The following MUC12 variants were observed in gnomAD, a reference collection of about 807,000 sequenced individuals.
MUC12 encodes mucin-12.
Under a neutral mutation model 230.8 loss-of-function variants are expected in MUC12, and 172 were observed. The observed-to-expected ratio is 0.75, with a 90% CI of 0.66 to 0.85. MUC12 has a LOEUF of 0.85. Ranked by LOEUF, MUC12 falls within the 40% of genes least tolerant of loss-of-function variation. The probability of loss-of-function intolerance (pLI) is 0.00; values close to 1 mark genes in which losing one functional copy is unlikely to be tolerated. For missense variants in MUC12, 3,506 were observed against 5,920.6 expected (o/e 0.59, Z 13.38); for synonymous variants, 1,259 against 2,401.9 (o/e 0.52, Z 13.91).
Position 100,990,625 on chromosome 7 carries a change from T to C in MUC12, c.68-6T>C. 6.5e-7 allele frequency: 1 copy of C among 1,537,384 alleles called. No homozygotes were observed. Among genetic ancestry groups the C allele is most frequent in the Non-Finnish European group, 8.7e-7 (1 of 1,146,938 alleles). ...AGCACTTTCTCTGGTTTCTCTCAAA[T>C]CACAGGCTCAACAGTAAACACCAGT... On this transcript the variant is annotated splice_polypyrimidine_tract_variant and splice_region_variant and intron_variant, in intron 1 of 11. Coordinates refer to ENST00000536621, the MANE Select transcript of MUC12 (RefSeq NM_001164462.2).
In MUC12 at chr7:100,991,757, T is replaced by G. The variant is rs1275779959; in HGVS notation, c.1194T>G (p.Ser398=). 6.5e-6 allele frequency: 10 copies of G among 1,537,860 alleles called. No individual in the cohort carries two copies. Among genetic ancestry groups the G allele is most frequent in the Non-Finnish European group, 8.7e-6 (10 of 1,147,048 alleles). ...ACGGCAGCACAACACACACAAAATCTTCAACTCCTAGCACCACAGCTGCCC... is the reference window on the plus strand; with the variant it reads ...ACGGCAGCACAACACACACAAAATCGTCAACTCCTAGCACCACAGCTGCCC... The part of the protein sequence containing the change: ...TFHGSTTHTK[S]STPSTTAALA... The change falls in exon 2 of 12, where the codon TCT becomes TCG. Residue 398 remains serine (S), a synonymous_variant. Transcript: ENST00000536621.
At position 100,990,853 on chromosome 7, in the gene MUC12, C is replaced by G. The variant is rs1020728381; in HGVS notation, c.290C>G (p.Pro97Arg). Residue 97 changes from proline (P) to arginine (R), a missense_variant, in exon 2 of 12, where the codon CCT (proline) becomes CGT (arginine). Transcript: ENST00000536621. ...GPGATGTTLF[P>R]SHSATSVFVG... ...GGTGCAACTGGAACAACACTCTTCC[C>G]TTCCCACTCTGCAACCTCAGTTTTT... The G allele has an allele frequency of 6.5e-7, 1 of 1,537,738 alleles. No homozygotes were observed. Among genetic ancestry groups the G allele is most frequent in the Non-Finnish European group, 8.7e-7 (1 of 1,147,060 alleles).
rs1330366959 is a variant in MUC12, at chr7:100,991,177, C to A, written c.614C>A (p.Thr205Lys). 2 of 1,537,616 alleles carry A rather than the reference C, an allele frequency of 1.3e-6. No individual in the cohort carries two copies. Among genetic ancestry groups the A allele is most frequent in the Non-Finnish European group, 1.7e-6 (2 of 1,146,846 alleles). The change falls in exon 2 of 12, where the codon ACA (threonine) becomes AAA (lysine). Residue 205 changes from threonine to lysine, a missense_variant. Physicochemically the swap from Thr to Lys is moderately conservative, Grantham distance 78. Transcript: ENST00000536621. The part of the protein sequence containing the change: ...ASHSIPGSTD[T>K]TLSPGTTTPS... ...CACAGCATCCCCGGCTCCACAGACA[C>A]AACACTGTCCCCTGGCACTACCACA... is the stretch of plus-strand genomic sequence containing the variant.
intron 10 of MUC12, chr7:101,017,221 T>C (rs758054430): frequency 2.8e-5 from 6 of 212,144 alleles, no homozygotes; most frequent in Non-Finnish European, 5.6e-5. Context: ...ACCGTTGCTA[T>C]GAAGGAGGGC....
intron 1 of MUC12, among the ~76,000 whole-genome samples, chr7:100,974,419 A>ATGTAT (rs1291645422): frequency 0.043 from 6,394 of 147,608 alleles, no homozygotes; most frequent in Admixed American, 0.054. Context: ...ATTTCTATTG[A>ATGTAT]CTTATCAATT....
In MUC12 at chr7:100,978,077, G is replaced by T. The variant is rs1353686140; in HGVS notation, c.67+8388G>T. On this transcript the variant is annotated intron_variant, in intron 1 of 11. Transcript: ENST00000536621. ...TGGAAAGCCCCTGTTTCCAAAGAAG[G>T]TCGCGTTCCCAGGTACCAGGAGTTA... Among the ~76,000 whole-genome samples, 7 of 152,136 alleles carry T rather than the reference G, an allele frequency of 4.6e-5. No homozygotes were observed. The East Asian group carries it at 5.8e-4, about 13-fold the overall frequency.
intron 1 of MUC12, among the ~76,000 whole-genome samples, chr7:100,976,823 G>A (rs182906848): frequency 5.8e-4 from 88 of 152,106 alleles, no homozygotes; most frequent in African/African-American, 2.1e-3. Flanking sequence ...GGTCAAGGCA[G>A]GCAGATCACG....
chr7:100,977,407 C>T (rs981454518), intron 1 of MUC12, among the ~76,000 whole-genome samples: 28 of 151,550 alleles, frequency 1.8e-4, no homozygotes, highest in Non-Finnish European at 3.5e-4. Flanking sequence ...CTTTCTGTTG[C>T]CCAGGCTGGA....
intron 1 of MUC12, among the ~76,000 whole-genome samples, chr7:100,971,099 T>C (rs1190053945): frequency 3.3e-5 from 5 of 151,380 alleles, no homozygotes; most frequent in Non-Finnish European, 5.9e-5. Flanking sequence ...GAGGTTGCAG[T>C]GAGCCGAGAT....
Position 101,004,601 on chromosome 7 carries a change from A to T in MUC12, c.14038A>T (p.Ser4680Cys), listed in dbSNP as rs1793699609. The T allele has an allele frequency of 3.1e-5, 48 of 1,536,824 alleles. No homozygotes were observed. Among genetic ancestry groups the T allele is most frequent in the South Asian group, 6.0e-5 (5 of 84,026 alleles). ...TGAGAGCTCCACAACCTCCGGCCGT[A>T]GTGAGGAATCAACAGCATCCCACAG... ...FPESSTTSGRSEESTASHSSP... is the reference protein window; with the variant it reads ...FPESSTTSGRCEESTASHSSP... The change falls in exon 2 of 12, where the codon AGT (serine) becomes TGT (cysteine). Residue 4680 changes from serine to cysteine, a missense_variant. Physicochemically the swap from Ser to Cys is moderately radical, Grantham distance 112. Coordinates refer to ENST00000536621, the MANE Select transcript of MUC12 (RefSeq NM_001164462.2).
intron 1 of MUC12, among the ~76,000 whole-genome samples, chr7:100,970,207 C>T (rs1321123727): frequency 2.6e-5 from 4 of 152,300 alleles, no homozygotes; most frequent in Non-Finnish European, 5.9e-5. Context: ...GCTGACGGGG[C>T]CAGGCGTGGT....
chr7:101,012,552 T>A, intron 6 of MUC12, 105 bp downstream of exon 6: 1 of 1,321,292 alleles, frequency 7.6e-7, no homozygotes, highest in Non-Finnish European at 1.0e-6. Context: ...CCAAGACTTC[T>A]GCCACAGGAA....
intron 1 of MUC12, among the ~76,000 whole-genome samples, chr7:100,970,953 C>T (rs1045200888): frequency 4.0e-5 from 6 of 151,374 alleles, no homozygotes; most frequent in Non-Finnish European, 7.4e-5. Context: ...GCCGAGATCG[C>T]GCCACTGCAC....
In MUC12 at chr7:100,986,759, A is replaced by G. The variant is rs117067533; in HGVS notation, c.68-3872A>G. On this transcript the variant is annotated intron_variant, in intron 1 of 11. Transcript: ENST00000536621. ...GGTTGGCCTTCCTGAGACAAGTGAG[A>G]AAAATGCAGCTCCTGGCATCTCGGA... Among the ~76,000 whole-genome samples the G allele has an allele frequency of 9.0e-3, 1,365 of 152,272 alleles. 17 individuals carry two copies. The highest frequency in any genetic ancestry group is 0.058 in the Middle Eastern group (17 of 294).
At chr7:101,005,612 C>A in intron 2 of MUC12, 93 bp downstream of exon 2, 1 of 1,379,422 alleles carries the variant, frequency 7.2e-7, no homozygotes, top group South Asian at 1.5e-5. Context: ...TGGTTCTTTT[C>A]CTCTGTCTTC....
At chr7:100,970,053 T>C (rs1170083042) in intron 1 of MUC12, among the ~76,000 whole-genome samples, 2 of 152,310 alleles carry the variant, frequency 1.3e-5, no homozygotes, top group African/African-American at 4.8e-5. Context: ...GCTGGAGGGA[T>C]GGGTCTTTCC....
At position 101,005,640 on chromosome 7, in the gene MUC12, C is replaced by T. The variant is rs551927611; in HGVS notation, c.14956+121C>T. On this transcript the variant is annotated intron_variant, in intron 2 of 11. Coordinates refer to ENST00000536621, the MANE Select transcript of MUC12 (RefSeq NM_001164462.2). Reference sequence around the variant, plus strand: ...CTGTCTTCCACTTTACTTGGGTCTACCGATTATCCAGTTTCTGGGTTCGAT... The same window carrying T: ...CTGTCTTCCACTTTACTTGGGTCTATCGATTATCCAGTTTCTGGGTTCGAT... The T allele has an allele frequency of 2.4e-6, 3 of 1,258,096 alleles. No individual in the cohort carries two copies. In the East Asian group the frequency reaches 7.6e-5, roughly 32 times the overall value. The allele number at this position is 1,258,096 out of a possible 1,614,324, so 77.9% of individuals were successfully genotyped here.
At chr7:101,017,817 C>A (rs189506885) in intron 11 of MUC12, among the ~76,000 whole-genome samples, 154 bp downstream of exon 11, 11 of 128,326 alleles carry the variant, frequency 8.6e-5, no homozygotes, top group Admixed American at 7.6e-4. Flanking sequence ...TCCCTTCCCC[C>A]TGGGACTCCC....
intron 1 of MUC12, among the ~76,000 whole-genome samples, chr7:100,988,051 G>A (rs1793221425): frequency 6.6e-6 from 1 of 151,780 alleles, no homozygotes; most frequent in Non-Finnish European, 1.5e-5. Context: ...TGTAATCCCA[G>A]CACTCTGAGA....
Sources: allele counts gnomAD v4.1 joint callset (sites outside exome capture counted in the v4.1 genomes callset), GRCh38; gene constraint gnomAD v4.1.1; transcripts MANE v1.5; gene names NCBI Gene and HGNC (gene_info 2026-07-23, HGNC 2026-07-21).